Variants in PTPN14 observed in about 807,000 individuals in gnomAD.
The protein encoded by PTPN14 is protein tyrosine phosphatase non-receptor type 14, also known as tyrosine-protein phosphatase non-receptor type 14.
A neutral mutation model predicts 126.8 loss-of-function variants in PTPN14; 53 were observed. The ratio of observed to expected loss-of-function variants is 0.42; its 90% CI spans 0.34 to 0.53. The LOEUF (loss-of-function observed/expected upper bound fraction) is 0.53. Among genes scored for constraint, PTPN14 ranks in the 20% least tolerant of loss-of-function variants. PTPN14 has a pLI of 0.08. For missense variants in PTPN14, 1,257 were observed against 1,552.9 expected (o/e 0.81, Z 3.20); for synonymous variants, 630 against 599.3 (o/e 1.05, Z -0.75).
intron 1 of PTPN14, among the ~76,000 whole-genome samples, chr1:214,499,442 T>C (rs1654624829): frequency 6.6e-6 from 1 of 152,094 alleles, no homozygotes; most frequent in African/African-American, 2.4e-5. Context: ...TAAATAACTA[T>C]CAACTATTGG....
intron 3 of PTPN14, among the ~76,000 whole-genome samples, chr1:214,442,211 G>A (rs1187836638): frequency 6.6e-6 from 1 of 152,128 alleles, no homozygotes; most frequent in African/African-American, 2.4e-5. Context: ...AAATGTTAGG[G>A]ACGAGAAGTG....
At chr1:214,379,032 C>G (rs1014880859) in intron 13 of PTPN14, among the ~76,000 whole-genome samples, 1 of 152,220 alleles carries the variant, frequency 6.6e-6, no homozygotes, top group East Asian at 1.9e-4. Context: ...GTCCTTGAAA[C>G]TAACCGAGTA....
rs1477114506 is a variant in PTPN14, at chr1:214,464,639, C to T, written c.165G>A (p.Glu55=). The T allele has an allele frequency of 1.2e-6, 2 of 1,614,150 alleles. No individual in the cohort carries two copies. The highest frequency in any genetic ancestry group is 1.7e-6 in the Non-Finnish European group (2 of 1,179,942). The part of the protein sequence containing the change: ...ECLEAVAQRL[E]LRETHYFGLW... The stretch of plus-strand genomic sequence containing the variant: ...GACACACCCCTCTTACCTCTCGCAG[C>T]TCCAGCCTCTGGGCCACAGCCTCCA... The change falls in exon 2 of 19, where the codon GAG becomes GAA. Residue 55 remains glutamate (E), a synonymous_variant. Transcript: ENST00000366956.
At chr1:214,550,115 A>G (rs529352378) in intron 1 of PTPN14, among the ~76,000 whole-genome samples, 2 of 152,286 alleles carry the variant, frequency 1.3e-5, no homozygotes, top group East Asian at 1.9e-4. Flanking sequence ...CCCCTCTTCC[A>G]TGTATTATCA....
At chr1:214,460,524 A>ACACAC (rs140053325) in intron 2 of PTPN14, among the ~76,000 whole-genome samples, 12 of 132,574 alleles carry the variant, frequency 9.1e-5, no homozygotes, top group African/African-American at 3.3e-4. Flanking sequence ...TGAAAATTCC[A>ACACAC]ACACACACAC....
chr1:214,521,314 A>C (rs1222733207), intron 1 of PTPN14, among the ~76,000 whole-genome samples: 5 of 152,238 alleles, frequency 3.3e-5, no homozygotes, highest in Admixed American at 3.3e-4. Context: ...GCTCTAGCTA[A>C]GATATAGAAA....
At position 214,464,848 on chromosome 1, in the gene PTPN14, G is replaced by A. The variant is rs372072155; in HGVS notation, c.-45C>T. The A allele has an allele frequency of 2.4e-5, 39 of 1,602,890 alleles. No homozygotes were observed. The African/African-American group carries it at 4.1e-4, about 17-fold the overall frequency. ...GCCGCCCGCCTATCCTGGCGCACACGCCCCTGAGATGGCCTTAGCAGTTTC... is the reference window on the plus strand; with the variant it reads ...GCCGCCCGCCTATCCTGGCGCACACACCCCTGAGATGGCCTTAGCAGTTTC... On this transcript the variant is annotated 5_prime_UTR_variant, in exon 2 of 19. Transcript: ENST00000366956.
intron 1 of PTPN14, among the ~76,000 whole-genome samples, chr1:214,496,881 C>G (rs1241113506): frequency 1.3e-5 from 2 of 151,846 alleles, no homozygotes; most frequent in Non-Finnish European, 2.9e-5. Flanking sequence ...AAATAAAGTT[C>G]AATCATTCCT....
At position 214,364,545 on chromosome 1, in the gene PTPN14, A is replaced by T; in HGVS notation, c.3402T>A (p.Ser1134=). 1 of 1,614,076 alleles carries T rather than the reference A, an allele frequency of 6.2e-7. No individual in the cohort carries two copies. Among genetic ancestry groups the T allele is most frequent in the Non-Finnish European group, 8.5e-7 (1 of 1,180,010 alleles). The change falls in exon 18 of 19, where the codon TCT becomes TCA. Residue 1134 remains serine (S), a synonymous_variant. Transcript: ENST00000366956. This position sits in a 1 kb window ranked among gnomAD's most constrained non-coding sequence, Gnocchi z 4.1. ...GTTCCAAGCAGTAGATCATCAGCTC[A>T]GAAAGAATGAGCACGCCGGTCCTTC... The part of the protein sequence containing the change: ...GVGRTGVLIL[S]ELMIYCLEHN...
chr1:214,379,475 C>T (rs773516937), intron 13 of PTPN14, among the ~76,000 whole-genome samples: 3 of 151,996 alleles, frequency 2.0e-5, no homozygotes, highest in Admixed American at 6.6e-5. Flanking sequence ...TGGTGGCAGC[C>T]GACTCATCAG....
Position 214,378,058 on chromosome 1 carries a change from C to T in PTPN14, c.2589G>A (p.Arg863=), listed in dbSNP as rs1571959543. 6.2e-7 allele frequency: 1 copy of T among 1,612,350 alleles called. No individual in the cohort carries two copies. ...QKMAGLEAQK[R]PLMLAALNGL... ...CATTCAATGCTGCCAACATCAGCGG[C>T]CTCTTCTGTGCCTCCAGGCCTGCCA... The change falls in exon 14 of 19, where the codon AGG becomes AGA. Residue 863 remains arginine (R), a synonymous_variant. Transcript: ENST00000366956.
At chr1:214,450,478 AAAAAAAAAAAG>A (rs1558107905) in intron 3 of PTPN14, among the ~76,000 whole-genome samples, 2 of 143,196 alleles carry the variant, frequency 1.4e-5, no homozygotes, top group East Asian at 2.0e-4. Context: ...TCTCAAATTA[AAAAAAAAAAAG>A]AAAAAGAAAA....
chr1:214,352,290 G>T lies in PTPN14; in HGVS notation c.*5632C>A, dbSNP rs1657722237. ...ATCTTAGTTTGGCTTTGAGAAAGAA[G>T]ATGCAGCTATATTAAGCTGAAAAGA... On this transcript the variant is annotated 3_prime_UTR_variant, in exon 19 of 19. Coordinates refer to ENST00000366956, the MANE Select transcript of PTPN14 (RefSeq NM_005401.5). 6.6e-6 allele frequency: 1 copy of T among 152,200 alleles called. No homozygotes were observed. The allele number at this position is 152,200 out of a possible 1,614,324, so 9.4% of individuals were successfully genotyped here.
At chr1:214,410,282 T>G (rs1471057274) in intron 5 of PTPN14, among the ~76,000 whole-genome samples, 3 of 151,564 alleles carry the variant, frequency 2.0e-5, no homozygotes, top group Non-Finnish European at 2.9e-5. Context: ...AGGTCTTACA[T>G]TTAAGTCTTT....
intron 1 of PTPN14, chr1:214,528,484 C>A (rs1051241797): frequency 6.6e-6 from 1 of 152,130 alleles, no homozygotes; most frequent in African/African-American, 2.4e-5. Flanking sequence ...AGTATTCTCA[C>A]AATATATTGC....
chr1:214,367,340 A>G (rs3013454), intron 17 of PTPN14, among the ~76,000 whole-genome samples: 22,633 of 152,146 alleles, frequency 0.15, 1,853 homozygotes, highest in Middle Eastern at 0.24. Context: ...TCTGACTCCA[A>G]TCATCCTTCT....
chr1:214,421,679 G>T (rs1033032022), intron 3 of PTPN14, among the ~76,000 whole-genome samples: 1 of 152,160 alleles, frequency 6.6e-6, no homozygotes, highest in Admixed American at 6.5e-5. Flanking sequence ...TCACGATCCA[G>T]TCAAAACTAT....
chr1:214,375,614 T>TA (rs1658326600), intron 15 of PTPN14, among the ~76,000 whole-genome samples: 1 of 152,212 alleles, frequency 6.6e-6, no homozygotes, highest in African/African-American at 2.4e-5. Context: ...TACTGACATA[T>TA]AAAGGTTTGA....
At chr1:214,550,970 G>A (rs1480952046) in intron 1 of PTPN14, among the ~76,000 whole-genome samples, 1 of 152,170 alleles carries the variant, frequency 6.6e-6, no homozygotes, top group Non-Finnish European at 1.5e-5. Flanking sequence ...TCGCTCCCGG[G>A]ACCAGCTTTG....
Sources: gnomAD v4.1 joint callset for allele counts (sites outside exome capture counted in the v4.1 genomes callset) on GRCh38, gnomAD v4.1.1 for gene constraint, Gnocchi (gnomAD v3.1) non-coding constraint, MANE v1.5 for transcripts, NCBI Gene and HGNC (gene_info 2026-07-23, HGNC 2026-07-21) for gene names.